LAPTM4A: variants seen among roughly 807,000 people sequenced by gnomAD.
LAPTM4A encodes lysosomal-associated transmembrane protein 4A.
In LAPTM4A, 19 loss-of-function variants were observed where a neutral mutation model predicts 29.9. The observed-to-expected ratio is 0.64, with a 90% CI of 0.44 to 0.93. LAPTM4A has a LOEUF of 0.93. Among genes scored for constraint, LAPTM4A ranks in the 40% least tolerant of loss-of-function variants. LAPTM4A has a pLI of 0.00. For missense variants in LAPTM4A, 293 were observed against 288.5 expected (o/e 1.02, Z -0.11); for synonymous variants, 105 against 102.1 (o/e 1.03, Z -0.17).
intron 1 of LAPTM4A, among the ~76,000 whole-genome samples, chr2:20,041,526 GTGTGTA>G (rs1040688900): frequency 6.6e-6 from 1 of 152,232 alleles, no homozygotes; most frequent in East Asian, 1.9e-4. Flanking sequence ...TTGTGTGTGT[GTGTGTA>G]TGTGTATGTG....
intron 1 of LAPTM4A, 117 bp downstream of exon 1, chr2:20,051,293 G>C: frequency 1.4e-6 from 1 of 718,850 alleles, no homozygotes; most frequent in South Asian, 1.6e-5. Context: ...GCCTTAAAAA[G>C]CAGCGCCCCT....
chr2:20,043,366 C>T (rs1673847554), intron 1 of LAPTM4A, among the ~76,000 whole-genome samples: 1 of 152,082 alleles, frequency 6.6e-6, no homozygotes, highest in African/African-American at 2.4e-5. Flanking sequence ...AGGCGTGCAC[C>T]ATTCAAGCCT....
intron 1 of LAPTM4A, among the ~76,000 whole-genome samples, 195 bp from the exon 2 acceptor site, chr2:20,041,206 AAAGTAT>A (rs1352238255): frequency 6.6e-6 from 1 of 152,232 alleles, no homozygotes; most frequent in Non-Finnish European, 1.5e-5. Flanking sequence ...AATATTTTAT[AAAGTAT>A]AAGTAATATT....
intron 1 of LAPTM4A, 80 bp downstream of exon 1, chr2:20,051,330 C>A: frequency 1.2e-6 from 1 of 856,198 alleles, no homozygotes; most frequent in Admixed American, 2.0e-5. Context: ...CCCAACACCC[C>A]GTTTCCAGTC....
At chr2:20,043,915 T>G (rs1342132136) in intron 1 of LAPTM4A, among the ~76,000 whole-genome samples, 1 of 152,228 alleles carries the variant, frequency 6.6e-6, no homozygotes, top group Non-Finnish European at 1.5e-5. Flanking sequence ...TAAGACATCC[T>G]CCTTCTCAGC....
At chr2:20,034,937 T>C (rs1673647714) in intron 5 of LAPTM4A, 30 bp downstream of exon 5, 1 of 1,487,344 alleles carries the variant, frequency 6.7e-7, no homozygotes, top group Non-Finnish European at 9.3e-7. Context: ...TCAATCTCAG[T>C]CACCCCTAAA....
intron 1 of LAPTM4A, among the ~76,000 whole-genome samples, chr2:20,050,578 T>C (rs1430486866): frequency 6.6e-6 from 1 of 152,168 alleles, no homozygotes. Context: ...TGTGCATGGA[T>C]ACTATAAATG....
At chr2:20,047,713 G>C (rs1378659977) in intron 1 of LAPTM4A, among the ~76,000 whole-genome samples, 1 of 132,570 alleles carries the variant, frequency 7.5e-6, no homozygotes, top group East Asian at 2.6e-4. Flanking sequence ...AAAAAAAAAG[G>C]AAAGTTTTAC....
At chr2:20,051,034 G>A (rs1674053922) in intron 1 of LAPTM4A, among the ~76,000 whole-genome samples, 1 of 152,144 alleles carries the variant, frequency 6.6e-6, no homozygotes, top group Non-Finnish European at 1.5e-5. Context: ...CACTGGATAG[G>A]AGGAAGGGAG....
chr2:20,042,855 A>G (rs1396358236), intron 1 of LAPTM4A, among the ~76,000 whole-genome samples: 1 of 152,188 alleles, frequency 6.6e-6, no homozygotes, highest in Non-Finnish European at 1.5e-5. Context: ...CTAGCATAGT[A>G]AAGTTCACAG....
intron 2 of LAPTM4A, among the ~76,000 whole-genome samples, chr2:20,039,159 C>T (rs983240612): frequency 6.6e-6 from 1 of 152,220 alleles, no homozygotes; most frequent in African/African-American, 2.4e-5. Context: ...TCAAGTGATT[C>T]ACCTGCCTCG....
intron 6 of LAPTM4A, among the ~76,000 whole-genome samples, chr2:20,033,947 G>A (rs949118243): frequency 4.6e-5 from 7 of 152,144 alleles, no homozygotes; most frequent in Admixed American, 1.3e-4. Context: ...CAGCTCCCCC[G>A]TTGGATCATA....
At chr2:20,045,542 T>C (rs1392177664) in intron 1 of LAPTM4A, among the ~76,000 whole-genome samples, 1 of 152,222 alleles carries the variant, frequency 6.6e-6, no homozygotes, top group African/African-American at 2.4e-5. Flanking sequence ...AGCAATATTT[T>C]AGCAGCATGG....
intron 1 of LAPTM4A, among the ~76,000 whole-genome samples, chr2:20,049,894 C>T (rs1346698637): frequency 6.6e-6 from 1 of 152,124 alleles, no homozygotes; most frequent in African/African-American, 2.4e-5. Context: ...AAATAGAAGA[C>T]AGAGCTAAGG....
At chr2:20,050,075 A>G (rs899345706) in intron 1 of LAPTM4A, among the ~76,000 whole-genome samples, 1 of 152,356 alleles carries the variant, frequency 6.6e-6, no homozygotes, top group Admixed American at 6.5e-5. Flanking sequence ...TCTGTCAATA[A>G]GGCGGTATTT....
intron 1 of LAPTM4A, among the ~76,000 whole-genome samples, chr2:20,046,043 G>C (rs1327211182): frequency 6.6e-6 from 1 of 152,152 alleles, no homozygotes; most frequent in East Asian, 1.9e-4. Flanking sequence ...GTCCTTTGCA[G>C]GGACATGGAT....
rs765634016 is a variant in LAPTM4A, at chr2:20,040,921, C to T, written c.202G>A (p.Gly68Ser). 9.3e-6 allele frequency: 15 copies of T among 1,613,466 alleles called. No homozygotes were observed. Among genetic ancestry groups the T allele is most frequent in the Admixed American group, 3.3e-5 (2 of 59,970 alleles). ...ATTCTCTCAGACGAATAGTAATTACCGATGACTTCATACTGAATGTTGACA... is the reference window on the plus strand; with the variant it reads ...ATTCTCTCAGACGAATAGTAATTACTGATGACTTCATACTGAATGTTGACA... ...PAVNIQYEVI[G>S]NYYSSERMAD... Residue 68 changes from glycine to serine, a missense_variant, in exon 2 of 7, where the codon GGT becomes AGT. By Grantham distance (56) the Gly-to-Ser change is moderately conservative. Transcript: ENST00000175091.
intron 1 of LAPTM4A, among the ~76,000 whole-genome samples, chr2:20,047,972 T>C (rs1165741120): frequency 6.6e-6 from 1 of 152,098 alleles, no homozygotes; most frequent in African/African-American, 2.4e-5. Context: ...CTAACAAATA[T>C]AAACAAGCTA....
chr2:20,039,451 G>A (rs964815285), intron 2 of LAPTM4A, among the ~76,000 whole-genome samples: 1 of 152,138 alleles, frequency 6.6e-6, no homozygotes, highest in African/African-American at 2.4e-5. Flanking sequence ...TCAAATAATC[G>A]GCTTTCAAGA....
Sources: gnomAD v4.1 joint callset for allele counts (sites outside exome capture counted in the v4.1 genomes callset) on GRCh38, gnomAD v4.1.1 for gene constraint, MANE v1.5 for transcripts, NCBI Gene and HGNC (gene_info 2026-07-23, HGNC 2026-07-21) for gene names.